Variants in TSPOAP1 observed in about 807,000 individuals in gnomAD.
TSPOAP1 encodes the protein peripheral-type benzodiazepine receptor-associated protein 1.
Under a neutral mutation model 197.0 loss-of-function variants are expected in TSPOAP1, and 87 were observed. The ratio of observed to expected loss-of-function variants is 0.44; its 90% CI spans 0.37 to 0.53. The LOEUF is 0.53. Among genes scored for constraint, TSPOAP1 ranks in the 20% least tolerant of loss-of-function variants. The pLI is 0.00. For missense variants in TSPOAP1, 2,174 were observed against 2,411.3 expected, an observed-to-expected ratio of 0.90 and a Z score of 2.06; for synonymous variants, 913 against 998.9, an observed-to-expected ratio of 0.91 and a Z score of 1.62.
chr17:58,306,312 G>C, intron 26 of TSPOAP1, 30 bp downstream of exon 26: 1 of 1,543,934 alleles, frequency 6.5e-7, no homozygotes, highest in East Asian at 2.4e-5. Context: ...CATCCTCCCA[G>C]CACCTGAGAG....
chr17:58,322,343 G>A lies in TSPOAP1; in HGVS notation c.1387C>T (p.Arg463Trp), dbSNP rs576058869. Residue 463 changes from arginine to tryptophan, a missense_variant, in exon 10 of 32, where the codon CGG (arginine) becomes TGG (tryptophan). By Grantham distance (101) the Arg-to-Trp change is moderately radical. This residue lies in a region of TSPOAP1 where 1,933 missense variants were observed against 2,139.0 expected (regional missense o/e 0.90). Transcript: ENST00000343736. This position sits in a 1 kb window ranked among gnomAD's most constrained non-coding sequence, Gnocchi z 5.0. ...VEHEQARLSL[R>W]EKQEEVRRLQ... ...CTCCGGACCTCCTCCTGCTTCTCCC[G>A]TAGGCTGAGCCGAGCCTGTTCATGC... The A allele has an allele frequency of 3.4e-5, 54 of 1,604,914 alleles. No individual in the cohort carries two copies. In the African/African-American group the frequency reaches 3.7e-4, roughly 11 times the overall value.
chr17:58,315,527 A>G (rs1294370627), intron 16 of TSPOAP1, among the ~76,000 whole-genome samples: 1 of 152,052 alleles, frequency 6.6e-6, no homozygotes, highest in Admixed American at 6.6e-5. Context: ...GAGCTGCAGA[A>G]CCTCCCTGAA....
In TSPOAP1 at chr17:58,304,469, G is replaced by A; in HGVS notation, c.5545-70C>T. 1.5e-6 allele frequency: 2 copies of A among 1,354,398 alleles called. No homozygotes were observed. Among genetic ancestry groups the A allele is most frequent in the African/African-American group, 1.4e-5 (1 of 69,830 alleles). 83.9% of individuals were successfully genotyped at this position (1,354,398 alleles called of 1,614,324 possible). A position where few individuals can be genotyped will look rare whatever the true frequency, so the allele number is the denominator to read the frequency against. On this transcript the variant is annotated intron_variant, in intron 30 of 31. Coordinates refer to ENST00000343736, the MANE Select transcript of TSPOAP1 (RefSeq NM_004758.4). This position sits in a 1 kb window ranked among gnomAD's most constrained non-coding sequence, Gnocchi z 4.2. ...CGCACCTTCTCCGCCCGGCCACCAGGTGGCCCTGCGCAGGGGTGGGCCCTA... is the reference window on the plus strand; with the variant it reads ...CGCACCTTCTCCGCCCGGCCACCAGATGGCCCTGCGCAGGGGTGGGCCCTA...
In TSPOAP1 at chr17:58,328,068, C is replaced by T; in HGVS notation, c.-148G>A. ...ATCCAAGGTTGGCTGAGCTCTTCCC[C>T]ACCCACAAAGGAGGCTGCAGAAGGC... On this transcript the variant is annotated 5_prime_UTR_variant, in exon 1 of 32. Transcript: ENST00000343736. The surrounding 1 kb of genome is among the most constrained non-coding windows in gnomAD (Gnocchi z 4.3). The T allele has an allele frequency of 2.7e-6, 2 of 744,846 alleles. No homozygotes were observed. Among genetic ancestry groups the T allele is most frequent in the Admixed American group, 2.9e-5 (1 of 34,128 alleles). 46.1% of individuals were successfully genotyped at this position (744,846 alleles called of 1,614,324 possible). A position where few individuals can be genotyped will look rare whatever the true frequency, so the allele number is the denominator to read the frequency against.
intron 16 of TSPOAP1, among the ~76,000 whole-genome samples, chr17:58,313,975 G>C (rs1218609536): frequency 6.6e-6 from 1 of 152,200 alleles, no homozygotes; most frequent in Non-Finnish European, 1.5e-5. Flanking sequence ...TGTCAAGGAA[G>C]CTGGGCACCC....
chr17:58,304,705 C>A lies in TSPOAP1; in HGVS notation c.5545-306G>T. Reference sequence around the variant, plus strand: ...AGGCACCTGGGAGGTATGGAGACCACCCCCAGGGTGGGAGTGTCCTGAAAC... The same window carrying A: ...AGGCACCTGGGAGGTATGGAGACCAACCCCAGGGTGGGAGTGTCCTGAAAC... On this transcript the variant is annotated intron_variant, in intron 30 of 31. Transcript: ENST00000343736. The surrounding 1 kb of genome is among the most constrained non-coding windows in gnomAD (Gnocchi z 4.2). 1.8e-6 allele frequency: 1 copy of A among 567,048 alleles called. No individual in the cohort carries two copies. The highest frequency in any genetic ancestry group is 3.0e-5 in the East Asian group (1 of 33,826). 35.1% of individuals were successfully genotyped at this position (567,048 alleles called of 1,614,324 possible). A position where few individuals can be genotyped will look rare whatever the true frequency, so the allele number is the denominator to read the frequency against.
Position 58,326,324 on chromosome 17 carries a change from G to A in TSPOAP1, c.539C>T (p.Ala180Val), listed in dbSNP as rs771109091. Residue 180 changes from alanine to valine, a missense_variant, in exon 3 of 32, where the codon GCC (alanine) becomes GTC (valine). This residue lies in a region of TSPOAP1 where 1,933 missense variants were observed against 2,139.0 expected (regional missense o/e 0.90). Transcript: ENST00000343736. This position sits in a 1 kb window ranked among gnomAD's most constrained non-coding sequence, Gnocchi z 4.7. Reference sequence around the variant, plus strand: ...CAGGTTCGTTTCCTGCAGCTTTCGGGCCCTCTCCTCCAGGCGCTTGGCAAT... The same window carrying A: ...CAGGTTCGTTTCCTGCAGCTTTCGGACCCTCTCCTCCAGGCGCTTGGCAAT... ...AVIAKRLEER[A>V]RKLQETNLRV... The A allele has an allele frequency of 1.9e-6, 3 of 1,614,054 alleles. No homozygotes were observed. Among genetic ancestry groups the A allele is most frequent in the East Asian group, 4.5e-5 (2 of 44,878 alleles).
Position 58,312,619 on chromosome 17 carries a change from C to G in TSPOAP1, c.2202G>C (p.Leu734Phe), listed in dbSNP as rs541670555. Residue 734 changes from leucine (L) to phenylalanine (F), a missense_variant, in exon 17 of 32, where the codon TTG (leucine) becomes TTC (phenylalanine). This residue lies in a region of TSPOAP1 where 1,933 missense variants were observed against 2,139.0 expected (regional missense o/e 0.90). Transcript: ENST00000343736. ...LTSLPPELAD[L>F]SHSSGPELSF... ...TGAGTTCAGGGCCTGAGCTGTGGGA[C>G]AAATCGGCCAGCTCTGGAGGGAGGG... The G allele has an allele frequency of 1.2e-6, 2 of 1,613,794 alleles. No individual in the cohort carries two copies. Among genetic ancestry groups the G allele is most frequent in the Non-Finnish European group, 1.7e-6 (2 of 1,179,964 alleles).
At position 58,306,986 on chromosome 17, in the gene TSPOAP1, G is replaced by A; in HGVS notation, c.4984-18C>T. 1 of 1,608,774 alleles carries A rather than the reference G, an allele frequency of 6.2e-7. No individual in the cohort carries two copies. Among genetic ancestry groups the A allele is most frequent in the Non-Finnish European group, 8.5e-7 (1 of 1,178,568 alleles). On this transcript the variant is annotated intron_variant, in intron 24 of 31. Transcript: ENST00000343736. ...CCAAACACCTGGAGGCAAAACCAGT[G>A]GTCTCAGCCAGTTCTGCTCACTCCC...
rs773697603 is a variant in TSPOAP1, at chr17:58,308,913, G to A, written c.4359C>T (p.Pro1453=). Residue 1453 remains proline, a synonymous_variant, in exon 22 of 32, where the codon CCC becomes CCT. Transcript: ENST00000343736. ...GTCCAGTCCTGGGGCCCTCAATTAC[G>A]GGGAGGCCACCCCTCTCCCGTGTGG... is the stretch of plus-strand genomic sequence containing the variant. The part of the protein sequence containing the change: ...LGPTRERGGL[P]VIEGPRTGLE... 2.1e-5 allele frequency: 34 copies of A among 1,595,770 alleles called. No individual in the cohort carries two copies. The highest frequency in any genetic ancestry group is 6.7e-5 in the South Asian group (6 of 89,156).
At chr17:58,321,300 CTT>C (rs200542407) in intron 10 of TSPOAP1, among the ~76,000 whole-genome samples, 10,541 of 143,554 alleles carry the variant, frequency 0.073, 483 homozygotes, top group East Asian at 0.17. Context: ...CTTGTCAATT[CTT>C]TTTTTTTTTT....
intron 7 of TSPOAP1, 37 bp downstream of exon 7, chr17:58,323,261 G>T: frequency 6.2e-7 from 1 of 1,611,568 alleles, no homozygotes; most frequent in Non-Finnish European, 8.5e-7. Context: ...CGGGGTGAAG[G>T]GAGGAGCTGG....
rs1225790998 is a variant in TSPOAP1, at chr17:58,309,097, C to G, written c.4175G>C (p.Cys1392Ser). Residue 1392 changes from cysteine to serine, a missense_variant, in exon 22 of 32, where the codon TGC (cysteine) becomes TCC (serine). Physicochemically the swap from Cys to Ser is moderately radical, Grantham distance 112 (BLOSUM62 -1). Transcript: ENST00000343736. The surrounding 1 kb of genome is among the most constrained non-coding windows in gnomAD (Gnocchi z 5.0). ...LSPESSRAGD[C>S]LEDMPGLVGG... ...AACTAATCCAGGCATGTCTTCCAGG[C>G]AGTCTCCAGCCCTGGAGGACTCAGG... 8.1e-6 allele frequency: 13 copies of G among 1,613,500 alleles called. No homozygotes were observed. The highest frequency in any genetic ancestry group is 1.1e-5 in the Non-Finnish European group (13 of 1,180,050).
intron 31 of TSPOAP1, chr17:58,302,690 C>T (rs959737635): frequency 1.4e-5 from 3 of 210,572 alleles, no homozygotes; most frequent in African/African-American, 2.4e-5. Flanking sequence ...GGTTCTGGAT[C>T]GCTCACCTGT....
In TSPOAP1 at chr17:58,302,201, T is replaced by C. The variant is rs949348687; in HGVS notation, c.*279A>G. ...CTCTGGGCCCAGTCTGAGCCTTCCC[T>C]GCTCAGCAGAGACAGTGATCTGGGG... On this transcript the variant is annotated 3_prime_UTR_variant, in exon 32 of 32. Coordinates refer to ENST00000343736, the MANE Select transcript of TSPOAP1 (RefSeq NM_004758.4). The C allele has an allele frequency of 1.6e-5, 20 of 1,258,712 alleles. No individual in the cohort carries two copies. Among genetic ancestry groups the C allele is most frequent in the Non-Finnish European group, 2.1e-5 (20 of 968,948 alleles). The allele number at this position is 1,258,712 out of a possible 1,614,324, so 78.0% of individuals were successfully genotyped here. A position where few individuals can be genotyped will look rare whatever the true frequency, so the allele number is the denominator to read the frequency against.
chr17:58,315,317 C>T (rs1486348237), intron 16 of TSPOAP1, among the ~76,000 whole-genome samples: 4 of 152,346 alleles, frequency 2.6e-5, no homozygotes, highest in African/African-American at 7.2e-5. Flanking sequence ...CTGCGGCTCT[C>T]GCCCTGCCCT....
In TSPOAP1 at chr17:58,310,904, G is replaced by T. The variant is rs201007586; in HGVS notation, c.3391C>A (p.Pro1131Thr). 1,587 of 1,546,940 alleles carry T rather than the reference G, an allele frequency of 1.0e-3. 18 individuals carry two copies. The highest frequency in any genetic ancestry group is 1.7e-4 in the Non-Finnish European group (200 of 1,151,850). ...ATCTCTCTGGAAGGGCTTGCAGGGG[G>T]TGCTCCTGGAGGCTCTTGAGTTCCA... ...PLGTQEPPGAPPASPSREMAK... is the reference protein window; with the variant it reads ...PLGTQEPPGATPASPSREMAK... Residue 1131 changes from proline to threonine, a missense_variant, in exon 19 of 32, where the codon CCC (proline) becomes ACC (threonine). Pro to Thr is a conservative substitution (Grantham distance 38, BLOSUM62 -1). Transcript: ENST00000343736.
intron 20 of TSPOAP1, 76 bp from the exon 21 acceptor site, chr17:58,310,234 A>G (rs1330540744): frequency 6.9e-7 from 1 of 1,440,302 alleles, no homozygotes. Flanking sequence ...GGTCAGCCCC[A>G]GCCACAGTAA....
At position 58,324,213 on chromosome 17, in the gene TSPOAP1, C is replaced by T. The variant is rs989230639; in HGVS notation, c.942+598G>A. On this transcript the variant is annotated intron_variant, in intron 5 of 31. Coordinates refer to ENST00000343736, the MANE Select transcript of TSPOAP1 (RefSeq NM_004758.4). The surrounding 1 kb of genome is among the most constrained non-coding windows in gnomAD (Gnocchi z 5.8). ...CACTGCCTGGTCTCTCCTCCCAGCC[C>T]TCTTCCCAGAAGGAGGAGGACCTAC... Among the ~76,000 whole-genome samples the T allele has an allele frequency of 5.3e-5, 8 of 152,186 alleles. No individual in the cohort carries two copies. Among genetic ancestry groups the T allele is most frequent in the Non-Finnish European group, 8.8e-5 (6 of 68,022 alleles).
Sources: allele counts gnomAD v4.1 joint callset (sites outside exome capture counted in the v4.1 genomes callset), GRCh38; gene constraint gnomAD v4.1.1; regional missense constraint gnomAD v4.1.1; non-coding constraint Gnocchi (gnomAD v3.1); transcripts MANE v1.5; gene names NCBI Gene and HGNC (gene_info 2026-07-23, HGNC 2026-07-21).